Variants in RIN2 observed in about 807,000 individuals in gnomAD.
The protein encoded by RIN2 is RAB5 interacting protein 2.
Under a neutral mutation model 78.0 loss-of-function variants are expected in RIN2, and 36 were observed. The observed-to-expected ratio is 0.46, with a 90% CI of 0.35 to 0.61. RIN2 has a LOEUF of 0.61. Among genes scored for constraint, RIN2 ranks in the 20% least tolerant of loss-of-function variants. The pLI is 0.00. For synonymous variants in RIN2, 466 were observed against 466.8 expected, an observed-to-expected ratio of 1.00 and a Z score of 0.02; for missense variants, 1,087 against 1,159.7, an observed-to-expected ratio of 0.94 and a Z score of 0.91.
chr20:19,804,299 G>T (rs1439986625), intron 2 of RIN2, among the ~76,000 whole-genome samples: 2 of 152,180 alleles, frequency 1.3e-5, no homozygotes, highest in African/African-American at 4.8e-5. Flanking sequence ...AATGCATCCA[G>T]CTTTTGTCCA....
chr20:19,856,390 G>A (rs963573332), intron 2 of RIN2, among the ~76,000 whole-genome samples: 2 of 152,034 alleles, frequency 1.3e-5, no homozygotes, highest in Non-Finnish European at 2.9e-5. Flanking sequence ...AGCAGTAGTT[G>A]GGCATGGTGA....
intron 1 of RIN2, among the ~76,000 whole-genome samples, chr20:19,792,699 A>G (rs774100598): frequency 3.3e-5 from 5 of 152,234 alleles, no homozygotes; most frequent in African/African-American, 1.2e-4. Flanking sequence ...TGACCAGCAC[A>G]TAGCGTTAAG....
At chr20:19,966,466 GGCAT>G (rs950282361) in intron 7 of RIN2, among the ~76,000 whole-genome samples, 64 of 152,218 alleles carry the variant, frequency 4.2e-4, no homozygotes, top group African/African-American at 1.4e-3. Context: ...TGGGATTACA[GGCAT>G]GCACCACCAT....
At chr20:19,898,258 G>A (rs1016922223) in intron 3 of RIN2, among the ~76,000 whole-genome samples, 16 of 152,018 alleles carry the variant, frequency 1.1e-4, no homozygotes, top group Admixed American at 2.0e-4. Flanking sequence ...GCTCATCTTC[G>A]CCAGGGGACT....
At chr20:19,798,068 GCC>G (rs1389688006) in intron 1 of RIN2, among the ~76,000 whole-genome samples, 1 of 151,560 alleles carries the variant, frequency 6.6e-6, no homozygotes, top group Non-Finnish European at 1.5e-5. Flanking sequence ...AGCCAGGATG[GCC>G]TTGATCTCCT....
At chr20:19,895,258 C>A (rs879555075) in intron 3 of RIN2, among the ~76,000 whole-genome samples, 2 of 152,158 alleles carry the variant, frequency 1.3e-5, no homozygotes, top group Non-Finnish European at 2.9e-5. Flanking sequence ...CATAACTCTG[C>A]CATAAGGGAT....
In RIN2 at chr20:19,772,048, C is replaced by T. The variant is rs193213149; in HGVS notation, c.-163+13721C>T. On this transcript the variant is annotated intron_variant, in intron 1 of 12. Coordinates refer to ENST00000255006, the MANE Select transcript of RIN2 (RefSeq NM_018993.4). ...CCTGCTTCCGTGGATAGAACAGATG[C>T]GCGCTCTCAGTTATGCAGTCCACCC... Among the ~76,000 whole-genome samples the T allele has an allele frequency of 8.0e-4, 121 of 150,824 alleles. 1 individual carries two copies. The highest frequency in any genetic ancestry group is 2.3e-3 in the Admixed American group (35 of 15,160).
chr20:19,985,415 T>C (rs1226384473), intron 9 of RIN2, among the ~76,000 whole-genome samples: 1 of 152,242 alleles, frequency 6.6e-6, no homozygotes, highest in Non-Finnish European at 1.5e-5. Flanking sequence ...TCTACCACTT[T>C]CCTCTTATGG....
At chr20:19,880,813 C>T (rs984026772) in intron 2 of RIN2, among the ~76,000 whole-genome samples, 55 of 152,180 alleles carry the variant, frequency 3.6e-4, no homozygotes, top group Non-Finnish European at 7.5e-4. Context: ...TGTGAACAAG[C>T]AGATGAGATC....
chr20:19,793,626 G>A (rs529547596), intron 1 of RIN2, among the ~76,000 whole-genome samples: 2 of 152,312 alleles, frequency 1.3e-5, no homozygotes, highest in Non-Finnish European at 2.9e-5. Flanking sequence ...GGGAGATGCT[G>A]GAACATACTT....
At chr20:19,757,629 C>G (rs996061258), upstream of RIN2, 1 of 152,494 alleles carries the variant, frequency 6.6e-6, no homozygotes, top group Admixed American at 6.5e-5. Context: ...GAACCTGCCC[C>G]GGAACCAAGA....
At chr20:19,773,179 CCT>C (rs1246079942) in intron 1 of RIN2, among the ~76,000 whole-genome samples, 4 of 152,158 alleles carry the variant, frequency 2.6e-5, no homozygotes. Context: ...ACACATTCTC[CCT>C]GAGTGTCCTC....
intron 2 of RIN2, among the ~76,000 whole-genome samples, chr20:19,861,129 A>G (rs1321541473): frequency 6.6e-6 from 1 of 152,190 alleles, no homozygotes; most frequent in Admixed American, 6.5e-5. Flanking sequence ...AATGTGTCAA[A>G]TGTCCTGCTT....
rs58248743 is a variant in RIN2 at position 19,879,646 on chromosome 20, G to A, written c.-36-9920G>A. On this transcript the variant is annotated intron_variant, in intron 2 of 12. Transcript: ENST00000255006. ...GCGTGGTCAATTTGCTTCACTGGTC[G>A]ATATATTTCACTGGGAGTTTAGCAC... Among the ~76,000 whole-genome samples the A allele has an allele frequency of 9.1e-3, 1,390 of 152,280 alleles. 18 individuals are homozygous for A. Among genetic ancestry groups the A allele is most frequent in the African/African-American group, 0.032 (1,325 of 41,540 alleles).
intron 3 of RIN2, among the ~76,000 whole-genome samples, chr20:19,916,723 C>T (rs1217719522): frequency 6.6e-6 from 1 of 152,260 alleles, no homozygotes; most frequent in Non-Finnish European, 1.5e-5. Flanking sequence ...GAGACCAACC[C>T]TGGACATCAG....
At chr20:19,833,133 G>A (rs989392841) in intron 2 of RIN2, among the ~76,000 whole-genome samples, 9 of 152,146 alleles carry the variant, frequency 5.9e-5, no homozygotes, top group South Asian at 2.1e-4. Flanking sequence ...GTGCTTCCCT[G>A]TGTGGCCCCT....
chr20:19,920,622 G>A (rs2039876572), intron 3 of RIN2, among the ~76,000 whole-genome samples: 1 of 152,222 alleles, frequency 6.6e-6, no homozygotes, highest in Admixed American at 6.5e-5. Flanking sequence ...CCAAATTGAA[G>A]GTTATATCAG....
intron 2 of RIN2, among the ~76,000 whole-genome samples, chr20:19,871,111 G>A (rs1310864696): frequency 6.6e-6 from 1 of 152,180 alleles, no homozygotes; most frequent in African/African-American, 2.4e-5. Context: ...TGGAGAAGCA[G>A]GCAAGGGATT....
intron 2 of RIN2, among the ~76,000 whole-genome samples, chr20:19,826,036 A>G (rs1412422372): frequency 6.6e-6 from 1 of 152,248 alleles, no homozygotes; most frequent in Non-Finnish European, 1.5e-5. Context: ...AGTTTATAGC[A>G]TAAAAGTATG....
Sources: gnomAD v4.1 joint callset for allele counts (sites outside exome capture counted in the v4.1 genomes callset) on GRCh38, gnomAD v4.1.1 for gene constraint, MANE v1.5 for transcripts, NCBI Gene and HGNC (gene_info 2026-07-23, HGNC 2026-07-21) for gene names.